Variants in CSMD1 observed in about 807,000 individuals in gnomAD.
CSMD1 encodes CUB and Sushi multiple domains 1, also known as CUB and sushi domain-containing protein 1.
CSMD1 carries 213 observed loss-of-function variants against 417.5 expected under a neutral mutation model. That is an observed-to-expected ratio of 0.51 (90% CI 0.46 to 0.57). The LOEUF (loss-of-function observed/expected upper bound fraction) is 0.57, where lower values mean the gene tolerates loss of function less well. Among genes scored for constraint, CSMD1 ranks in the 20% least tolerant of loss-of-function variants. The probability of loss-of-function intolerance (pLI) is 0.00; values close to 1 mark genes in which losing one functional copy is unlikely to be tolerated. For missense variants in CSMD1, 6,923 were observed against 4,529.7 expected (o/e 1.53, Z -15.17); for synonymous variants, 2,862 against 1,736.8 (o/e 1.65, Z -16.11).
intron 3 of CSMD1, among the ~76,000 whole-genome samples, chr8:4,064,097 CT>C (rs1199042982): frequency 6.6e-6 from 1 of 152,176 alleles, no homozygotes; most frequent in African/African-American, 2.4e-5. Context: ...TGCGAATCTA[CT>C]CTCCTGCAGC....
chr8:3,988,796 T>C (rs1814524187), intron 5 of CSMD1, among the ~76,000 whole-genome samples: 1 of 152,226 alleles, frequency 6.6e-6, no homozygotes, highest in Admixed American at 6.5e-5. Context: ...TGGTCAATTA[T>C]ATTTCCAAAC....
chr8:3,974,429 C>G (rs1813287255), intron 5 of CSMD1, among the ~76,000 whole-genome samples: 1 of 151,810 alleles, frequency 6.6e-6, no homozygotes, highest in Non-Finnish European at 1.5e-5. Flanking sequence ...CCAGGATATT[C>G]ATAAGGGTAT....
At chr8:3,094,523 G>C (rs1815166266) in intron 47 of CSMD1, among the ~76,000 whole-genome samples, 1 of 152,088 alleles carries the variant, frequency 6.6e-6, no homozygotes, top group Non-Finnish European at 1.5e-5. Context: ...ATTCAAACTG[G>C]CATGTGCAGA....
intron 2 of CSMD1, among the ~76,000 whole-genome samples, chr8:4,567,787 T>C (rs368846821): frequency 1.3e-5 from 2 of 152,102 alleles, no homozygotes; most frequent in African/African-American, 2.4e-5. Flanking sequence ...AATTATCGTA[T>C]ACCAGAAAGG....
chr8:3,818,424 A>G lies in CSMD1; in HGVS notation c.819-64382T>C, dbSNP rs531630027. Among the ~76,000 whole-genome samples, 25 of 152,268 alleles carry G rather than the reference A, an allele frequency of 1.6e-4. No homozygotes were observed. The South Asian group carries it at 1.9e-3, about 11-fold the overall frequency. On this transcript the variant is annotated intron_variant, in intron 5 of 69. Transcript: ENST00000635120. ...TTTCAGAAAACAGCACCAAACAATTATTAACTAATTAACTCCTCATGGATC... is the reference window on the plus strand; with the variant it reads ...TTTCAGAAAACAGCACCAAACAATTGTTAACTAATTAACTCCTCATGGATC...
intron 12 of CSMD1, among the ~76,000 whole-genome samples, chr8:3,448,378 G>GGA (rs1815458165): frequency 5.8e-5 from 1 of 17,258 alleles, no homozygotes; most frequent in Non-Finnish European, 1.0e-4. Flanking sequence ...AGGAAGGGAG[G>GGA]GGGAGGAGGG....
At chr8:4,987,734 G>C (rs1470768501) in intron 1 of CSMD1, among the ~76,000 whole-genome samples, 2 of 152,166 alleles carry the variant, frequency 1.3e-5, no homozygotes, top group Non-Finnish European at 2.9e-5. Flanking sequence ...GGGAGGGGCA[G>C]ACCCTCCCTC....
chr8:4,381,853 AC>A (rs1803128151), intron 3 of CSMD1, among the ~76,000 whole-genome samples: 1 of 152,072 alleles, frequency 6.6e-6, no homozygotes, highest in African/African-American at 2.4e-5. Flanking sequence ...GCTCAGCATC[AC>A]CTAGGCTCTC....
chr8:4,589,374 C>T (rs1799874700), intron 2 of CSMD1, among the ~76,000 whole-genome samples: 1 of 152,134 alleles, frequency 6.6e-6, no homozygotes, highest in Admixed American at 6.5e-5. Context: ...TCTCACTCTT[C>T]TCAGGGACTC....
chr8:3,387,416 C>G, intron 18 of CSMD1, 78 bp downstream of exon 18: 2 of 1,265,104 alleles, frequency 1.6e-6, no homozygotes, highest in Non-Finnish European at 2.2e-6. Flanking sequence ...CTGAAATACA[C>G]ACACCACCCA....
intron 2 of CSMD1, among the ~76,000 whole-genome samples, chr8:4,575,277 C>A (rs1015135927): frequency 6.6e-6 from 1 of 152,252 alleles, no homozygotes; most frequent in African/African-American, 2.4e-5. Flanking sequence ...TCATTATTTT[C>A]ATATATGATT....
chr8:3,453,807 T>C (rs192071615), intron 12 of CSMD1, among the ~76,000 whole-genome samples: 6 of 152,186 alleles, frequency 3.9e-5, no homozygotes, highest in African/African-American at 1.2e-4. Flanking sequence ...GGGGGGATAG[T>C]TCTGTAGATG....
At position 4,907,848 on chromosome 8, in the gene CSMD1, T is replaced by C. The variant is rs553457414; in HGVS notation, c.85+86484A>G. Among the ~76,000 whole-genome samples the C allele has an allele frequency of 2.6e-5, 4 of 151,860 alleles. No individual in the cohort carries two copies. In the East Asian group the frequency reaches 5.8e-4, roughly 22 times the overall value. ...CGCAAAGTGCTGGGATTACAGACAA[T>C]AGCCATCTCACTTTGGCCATTGTTT... On this transcript the variant is annotated intron_variant, in intron 1 of 69. Coordinates refer to ENST00000635120, the MANE Select transcript of CSMD1 (RefSeq NM_033225.6).
intron 6 of CSMD1, among the ~76,000 whole-genome samples, chr8:3,753,456 G>A (rs1419162429): frequency 6.6e-6 from 1 of 152,160 alleles, no homozygotes; most frequent in Non-Finnish European, 1.5e-5. Flanking sequence ...AGGAAATCCA[G>A]AATCTTTCTT....
At chr8:3,585,565 A>G (rs1294085087) in intron 9 of CSMD1, among the ~76,000 whole-genome samples, 2 of 152,212 alleles carry the variant, frequency 1.3e-5, no homozygotes, top group Non-Finnish European at 2.9e-5. Flanking sequence ...TCATAGCAGT[A>G]AAAAATAAGT....
chr8:3,673,122 T>C (rs1799167175), intron 7 of CSMD1, among the ~76,000 whole-genome samples: 1 of 152,196 alleles, frequency 6.6e-6, no homozygotes, highest in South Asian at 2.1e-4. Context: ...AATCAATTAA[T>C]ACAGAGTAGG....
intron 26 of CSMD1, among the ~76,000 whole-genome samples, chr8:3,274,791 C>T (rs956272088): frequency 1.3e-5 from 2 of 152,130 alleles, no homozygotes; most frequent in African/African-American, 4.8e-5. Flanking sequence ...GTAGATCTTC[C>T]TCCATCCTTT....
intron 1 of CSMD1, among the ~76,000 whole-genome samples, chr8:4,709,155 G>A (rs550136303): frequency 2.0e-4 from 30 of 152,302 alleles, no homozygotes; most frequent in African/African-American, 7.2e-4. Context: ...ACGAAATATA[G>A]CAATATGGTG....
intron 26 of CSMD1, among the ~76,000 whole-genome samples, chr8:3,256,939 T>G: frequency 6.6e-6 from 1 of 152,246 alleles, no homozygotes; most frequent in East Asian, 1.9e-4. Flanking sequence ...AATTTTACAT[T>G]ATCTAAAACT....
Sources: allele counts gnomAD v4.1 joint callset (sites outside exome capture counted in the v4.1 genomes callset), GRCh38; gene constraint gnomAD v4.1.1; transcripts MANE v1.5; gene names NCBI Gene and HGNC (gene_info 2026-07-23, HGNC 2026-07-21).